PCDH15: variants seen among roughly 807,000 people sequenced by gnomAD.
PCDH15 encodes protocadherin-15.
In PCDH15, 129 loss-of-function variants were observed where a neutral mutation model predicts 178.5. That is an observed-to-expected ratio of 0.72 (90% CI 0.63 to 0.84). PCDH15 has a LOEUF of 0.84. PCDH15 is among the 40% of genes least tolerant of loss of function. The probability of loss-of-function intolerance (pLI) is 0.00; values close to 1 mark genes in which losing one functional copy is unlikely to be tolerated. For synonymous variants in PCDH15, 800 were observed against 732.0 expected (o/e 1.09, Z -1.50); for missense variants, 2,230 against 2,099.9 (o/e 1.06, Z -1.21).
chr10:54,269,001 TA>T (rs367767219), intron 8 of PCDH15, among the ~76,000 whole-genome samples: 1,545 of 152,054 alleles, frequency 0.01, 20 homozygotes, highest in South Asian at 0.062. Context: ...CAAAGATCCT[TA>T]AAACATTTCC....
intron 10 of PCDH15, among the ~76,000 whole-genome samples, chr10:54,209,106 C>A (rs1463063359): frequency 2.6e-5 from 4 of 151,846 alleles, no homozygotes; most frequent in African/African-American, 9.7e-5. Context: ...ACGGTAGGTT[C>A]CATCTTTTTC....
chr10:55,481,266 AT>A (rs201967162), intron 2 of PCDH15, among the ~76,000 whole-genome samples: 2 of 150,880 alleles, frequency 1.3e-5, no homozygotes, highest in Non-Finnish European at 3.0e-5. Flanking sequence ...TATTTTACTA[AT>A]TTTTTTCAGA....
chr10:55,036,572 G>C (rs767254409), intron 2 of PCDH15, among the ~76,000 whole-genome samples: 5 of 152,088 alleles, frequency 3.3e-5, no homozygotes, highest in Non-Finnish European at 5.9e-5. Context: ...TGGAAGATTT[G>C]TGGCAGTATA....
At chr10:54,525,593 G>A (rs907198102) in intron 3 of PCDH15, among the ~76,000 whole-genome samples, 3 of 152,014 alleles carry the variant, frequency 2.0e-5, no homozygotes, top group East Asian at 1.9e-4. Flanking sequence ...CAAGTAGCTG[G>A]GACTGTGAGT....
intron 15 of PCDH15, among the ~76,000 whole-genome samples, chr10:54,092,438 C>T (rs376386167): frequency 6.6e-6 from 1 of 152,130 alleles, no homozygotes; most frequent in East Asian, 1.9e-4. Context: ...CTTTCTCCCC[C>T]AGCTCCCCAC....
chr10:54,964,050 T>C (rs1838720619), intron 2 of PCDH15, among the ~76,000 whole-genome samples: 1 of 152,128 alleles, frequency 6.6e-6, no homozygotes, highest in Admixed American at 6.5e-5. Flanking sequence ...AAGCAGGTGG[T>C]CAGTTAGGCC....
chr10:54,810,588 C>T (rs977698714), intron 3 of PCDH15, among the ~76,000 whole-genome samples: 2 of 151,994 alleles, frequency 1.3e-5, no homozygotes, highest in South Asian at 4.2e-4. Flanking sequence ...TGATGGTACC[C>T]CAAATCTTTT....
intron 2 of PCDH15, among the ~76,000 whole-genome samples, chr10:55,414,645 ATGAGATTGTTTTAC>A (rs1320486805): frequency 6.6e-6 from 1 of 151,462 alleles, no homozygotes; most frequent in East Asian, 1.9e-4. Flanking sequence ...TGATGCTATT[ATGAGATTGTTTTAC>A]TGATTTCATT....
chr10:55,213,356 A>G (rs188391896), intron 1 of PCDH15, among the ~76,000 whole-genome samples: 1 of 152,080 alleles, frequency 6.6e-6, no homozygotes, highest in Non-Finnish European at 1.5e-5. Flanking sequence ...AGTTTATGGA[A>G]GAAGCTTTTC....
chr10:54,750,022 T>C (rs1451633909), intron 1 of PCDH15, among the ~76,000 whole-genome samples: 4 of 151,856 alleles, frequency 2.6e-5, no homozygotes, highest in Admixed American at 2.0e-4. Context: ...ACTACTCTCA[T>C]TAGCAATAAA....
At chr10:55,211,525 G>C (rs1840572205) in intron 1 of PCDH15, among the ~76,000 whole-genome samples, 1 of 152,068 alleles carries the variant, frequency 6.6e-6, no homozygotes, top group Non-Finnish European at 1.5e-5. Context: ...TAAGTGCTTG[G>C]CTAACAGTTC....
intron 1 of PCDH15, among the ~76,000 whole-genome samples, chr10:55,238,959 T>A (rs898013983): frequency 1.3e-5 from 2 of 152,178 alleles, no homozygotes; most frequent in African/African-American, 4.8e-5. Flanking sequence ...TCATTCTATA[T>A]ATTTTTTACT....
At chr10:54,381,660 C>T (rs564027519) in intron 3 of PCDH15, among the ~76,000 whole-genome samples, 7 of 152,002 alleles carry the variant, frequency 4.6e-5, no homozygotes, top group Admixed American at 1.3e-4. Context: ...ATAGTGGTAA[C>T]GAGACATATT....
chr10:53,976,308 A>T (rs190361786), intron 21 of PCDH15, among the ~76,000 whole-genome samples: 1 of 152,234 alleles, frequency 6.6e-6, no homozygotes, highest in Non-Finnish European at 1.5e-5. Flanking sequence ...TTCATTTAAC[A>T]CGTTCACTAA....
At chr10:54,910,625 C>A (rs1277425033) in intron 2 of PCDH15, among the ~76,000 whole-genome samples, 1 of 152,088 alleles carries the variant, frequency 6.6e-6, no homozygotes, top group African/African-American at 2.4e-5. Flanking sequence ...TGAAAATTTG[C>A]CTGACTACCC....
chr10:55,339,835 A>C (rs906174565), intron 2 of PCDH15, among the ~76,000 whole-genome samples: 2 of 152,086 alleles, frequency 1.3e-5, no homozygotes, highest in Non-Finnish European at 2.9e-5. Flanking sequence ...AATCAGTATT[A>C]AGCCAAGTAT....
At chr10:53,878,345 A>C (rs1220878181) in intron 26 of PCDH15, among the ~76,000 whole-genome samples, 2 of 123,080 alleles carry the variant, frequency 1.6e-5, no homozygotes, top group African/African-American at 6.1e-5. Context: ...GTCTATATAT[A>C]ATAGACTATA....
At chr10:55,060,141 T>G (rs1429276958) in intron 2 of PCDH15, among the ~76,000 whole-genome samples, 2 of 152,014 alleles carry the variant, frequency 1.3e-5, no homozygotes, top group Admixed American at 1.3e-4. Flanking sequence ...CGTGAAAATA[T>G]TATGCTTTTT....
intron 6 of PCDH15, among the ~76,000 whole-genome samples, chr10:54,340,064 A>G (rs1941948761): frequency 6.6e-6 from 1 of 152,160 alleles, no homozygotes. Flanking sequence ...CCATGTTTTA[A>G]TGTATCATTA....
Sources: gnomAD v4.1 joint callset for allele counts (sites outside exome capture counted in the v4.1 genomes callset) on GRCh38, gnomAD v4.1.1 for gene constraint, MANE v1.5 for transcripts, NCBI Gene and HGNC (gene_info 2026-07-23, HGNC 2026-07-21) for gene names.